The following SEC16A variants were observed in gnomAD, a reference collection of about 807,000 sequenced individuals.
SEC16A encodes protein transport protein Sec16A.
Under a neutral mutation model 221.9 loss-of-function variants are expected in SEC16A, and 110 were observed. That is an observed-to-expected ratio of 0.50 (90% confidence interval 0.42 to 0.58). SEC16A has a LOEUF of 0.58. SEC16A is among the 20% of genes least tolerant of loss of function. SEC16A has a pLI of 0.00. For missense variants in SEC16A, 3,165 were observed against 3,097.8 expected (o/e 1.02, Z -0.52); for synonymous variants, 1,393 against 1,257.7 (o/e 1.11, Z -2.28).
chr9:136,451,200 T>G lies in SEC16A; in HGVS notation c.6312+56A>C, dbSNP rs948594834. The G allele has an allele frequency of 7.1e-6, 11 of 1,557,608 alleles. No individual in the cohort carries two copies. The African/African-American group carries it at 1.5e-4, about 21-fold the overall frequency. On this transcript the variant is annotated intron_variant, in intron 23 of 31. Coordinates refer to ENST00000684901, the MANE Select transcript of SEC16A (RefSeq NM_014866.2). ...TAAGAGGATGGCGCTCTGGGAAGCG[T>G]GCCTCCTGCCCAAACCCTCCCGGCC...
At chr9:136,482,879 G>A (rs1589041712) in intron 1 of SEC16A, 59 bp downstream of exon 1, 1 of 714,196 alleles carries the variant, frequency 1.4e-6, no homozygotes, top group Non-Finnish European at 1.7e-6. Flanking sequence ...TGGCTCCGCC[G>A]GCCGGCCTCC....
chr9:136,459,443 C>A lies in SEC16A; in HGVS notation c.5303+1G>T. 3 of 1,596,824 alleles carry A rather than the reference C, an allele frequency of 1.9e-6. No individual in the cohort carries two copies. The highest frequency in any genetic ancestry group is 2.6e-6 in the Non-Finnish European group (3 of 1,170,020). ...AGGACTACACTGACTTGGTTCTTTA[C>A]CTGTGATTGGATCCGATTAAGACAA... On this transcript the variant is annotated splice_donor_variant, in intron 16 of 31. Coordinates refer to ENST00000684901, the MANE Select transcript of SEC16A (RefSeq NM_014866.2). LOFTEE classifies it high-confidence loss of function. The surrounding 1 kb of genome is among the most constrained non-coding windows in gnomAD (Gnocchi z 6.1).
intron 13 of SEC16A, 133 bp from the exon 14 acceptor site, chr9:136,460,256 A>C (rs939766350): frequency 1.6e-6 from 1 of 643,194 alleles, no homozygotes; most frequent in Non-Finnish European, 2.7e-6. Flanking sequence ...TGAGGTCAGA[A>C]GTTAAGAGAC....
At chr9:136,468,953 A>C (rs1377217743) in intron 4 of SEC16A, among the ~76,000 whole-genome samples, 1 of 152,150 alleles carries the variant, frequency 6.6e-6, no homozygotes, top group African/African-American at 2.4e-5. Flanking sequence ...AGGCTCAAGC[A>C]ATCCTCCCAC....
At position 136,440,391 on chromosome 9, in the gene SEC16A, C is replaced by CAAG; in HGVS notation, c.*1363_*1364insCTT. On this transcript the variant is annotated 3_prime_UTR_variant, in exon 32 of 32. Transcript: ENST00000684901. ...CATTTTGGAAAACATCCTGGGTGGT[C>CAAG]TGGGCTAAATGATCAAGTGAAACAG... 6.6e-6 allele frequency: 1 copy of CAAG among 152,660 alleles called. No individual in the cohort carries two copies. The allele number at this position is 152,660 out of a possible 1,614,324, so 9.5% of individuals were successfully genotyped here. A position where few individuals can be genotyped will look rare whatever the true frequency, so the allele number is the denominator to read the frequency against.
In SEC16A at chr9:136,451,391, C is replaced by T. The variant is rs766687024; in HGVS notation, c.6177G>A (p.Val2059=). ...KFANLTPSRT[V]PDSEAPPGWD... ...ACCCTGGGGGGGCCTCCGAGTCTGG[C>T]ACCGTCCTCGAGGGGGTCTGTCGCA... Residue 2059 remains valine, a synonymous_variant, in exon 23 of 32, where the codon GTG becomes GTA. Transcript: ENST00000684901. The T allele has an allele frequency of 8.1e-6, 13 of 1,609,066 alleles. No homozygotes were observed. Among genetic ancestry groups the T allele is most frequent in the African/African-American group, 5.4e-5 (4 of 74,626 alleles).
At position 136,476,531 on chromosome 9, in the gene SEC16A, A is replaced by G. The variant is rs1841659049; in HGVS notation, c.1085T>C (p.Leu362Pro). ...GAGAGSGCAP[L>P]EADSGASGAL... ...TCCTGAAGCTCCTGAGTCTGCTTCT[A>G]GCGGGGCACAGCCAGACCCGGCCCC... Residue 362 changes from leucine to proline, a missense_variant, in exon 3 of 32, where the codon CTA becomes CCA. Around this residue, in one of 3 missense-constraint regions of SEC16A, gnomAD observed 2,030 missense variants for 1,923.1 expected, o/e 1.06. Coordinates refer to ENST00000684901, the MANE Select transcript of SEC16A (RefSeq NM_014866.2). 2.5e-6 allele frequency: 4 copies of G among 1,612,478 alleles called. No individual in the cohort carries two copies. The East Asian group carries it at 6.7e-5, about 27-fold the overall frequency.
intron 1 of SEC16A, among the ~76,000 whole-genome samples, chr9:136,481,928 G>A (rs888114867): frequency 6.6e-6 from 1 of 152,042 alleles, no homozygotes; most frequent in Non-Finnish European, 1.5e-5. Flanking sequence ...GCTTACAGAA[G>A]AAGAAATCAC....
At chr9:136,455,104 T>A (rs1049412696) in intron 20 of SEC16A, among the ~76,000 whole-genome samples, 1 of 152,150 alleles carries the variant, frequency 6.6e-6, no homozygotes, top group African/African-American at 2.4e-5. Flanking sequence ...CATCCAGGCA[T>A]GCGGACCTGC....
Position 136,466,391 on chromosome 9 carries a change from G to T in SEC16A, c.4001C>A (p.Pro1334Gln). The T allele has an allele frequency of 6.2e-7, 1 of 1,603,598 alleles. No homozygotes were observed. The highest frequency in any genetic ancestry group is 2.3e-5 in the East Asian group (1 of 44,426). ...CTCTTCCCCATAAGGGTCTCTGTGCGGATCGGGGTCATCGTCAAAACTCCC... is the reference window on the plus strand; with the variant it reads ...CTCTTCCCCATAAGGGTCTCTGTGCTGATCGGGGTCATCGTCAAAACTCCC... ...FTGSFDDDPD[P>Q]HRDPYGEEVD... The change falls in exon 7 of 32, where the codon CCG becomes CAG. Residue 1334 changes from proline (P) to glutamine (Q), a missense_variant. Pro to Gln is a moderately conservative substitution (Grantham distance 76, BLOSUM62 -1). Coordinates refer to ENST00000684901, the MANE Select transcript of SEC16A (RefSeq NM_014866.2). This position sits in a 1 kb window ranked among gnomAD's most constrained non-coding sequence, Gnocchi z 5.5.
rs767821332 is a variant in SEC16A, at chr9:136,474,517, C to T, written c.3099G>A (p.Gly1033=). ...VASHPRQSGP[G]APNLDRFYQQ... ...GATAAAAACGGTCAAGGTTAGGCGC[C>T]CCAGGCCCAGATTGTCTGGGATGAC... The change falls in exon 3 of 32, where the codon GGG becomes GGA. Residue 1033 remains glycine, a synonymous_variant. Transcript: ENST00000684901. 9 of 1,612,922 alleles carry T rather than the reference C, an allele frequency of 5.6e-6. No individual in the cohort carries two copies. Among genetic ancestry groups the T allele is most frequent in the East Asian group, 2.2e-5 (1 of 44,888 alleles).
intron 1 of SEC16A, among the ~76,000 whole-genome samples, chr9:136,482,622 AAG>A (rs1452223984): frequency 6.6e-6 from 1 of 152,240 alleles, no homozygotes; most frequent in Non-Finnish European, 1.5e-5. Flanking sequence ...TTGAAAAGTT[AAG>A]AGTCTTACGA....
Position 136,459,238 on chromosome 9 carries a change from A to T in SEC16A, c.5305T>A (p.Leu1769Met). The change falls in exon 17 of 32, where the codon TTG becomes ATG. Residue 1769 changes from leucine to methionine, a missense_variant and splice_region_variant. Transcript: ENST00000684901. This position sits in a 1 kb window ranked among gnomAD's most constrained non-coding sequence, Gnocchi z 6.1. ...TTGGTTGCGAACTTTAAGAATGGCA[A>T]ACTGTAGAGGAAGTGAATTATTTTG... ...KLVLIGSNHS[L>M]PFLKFATNEA... The T allele has an allele frequency of 6.2e-7, 1 of 1,613,318 alleles. No homozygotes were observed. Among genetic ancestry groups the T allele is most frequent in the Non-Finnish European group, 8.5e-7 (1 of 1,179,526 alleles).
Position 136,477,475 on chromosome 9 carries a change from C to G in SEC16A, c.141G>C (p.Pro47=). 4 of 1,613,982 alleles carry G rather than the reference C, an allele frequency of 2.5e-6. No individual in the cohort carries two copies. The highest frequency in any genetic ancestry group is 3.4e-6 in the Non-Finnish European group (4 of 1,179,898). ...NNAAVAPTTC[P]LQPVTDPFAF... is the part of the protein sequence containing the mutation. ...CAAATGGATCCGTGACCGGCTGCAA[C>G]GGGCAAGTTGTCGGAGCCACTGCTG... is the stretch of plus-strand genomic sequence containing the variant. Residue 47 remains proline (P), a synonymous_variant, in exon 3 of 32, where the codon CCG becomes CCC. Transcript: ENST00000684901.
At chr9:136,479,087 T>A (rs1223294500) in intron 1 of SEC16A, among the ~76,000 whole-genome samples, 5 of 151,474 alleles carry the variant, frequency 3.3e-5, no homozygotes, top group Non-Finnish European at 7.4e-5. Flanking sequence ...TCCAACACTT[T>A]CAACAACAGG....
chr9:136,451,533 G>A (rs1051511172), intron 22 of SEC16A, 125 bp from the exon 23 acceptor site: 14 of 1,131,706 alleles, frequency 1.2e-5, no homozygotes, highest in Non-Finnish European at 1.6e-5. Context: ...TGACTCTGGT[G>A]ACCAGAGGGA....
rs748522586 is a variant in SEC16A at position 136,477,152 on chromosome 9, A to G, written c.464T>C (p.Leu155Pro). 22 of 1,613,742 alleles carry G rather than the reference A, an allele frequency of 1.4e-5. No homozygotes were observed. Among genetic ancestry groups the G allele is most frequent in the Non-Finnish European group, 1.6e-5 (19 of 1,179,888 alleles). ...TGGAATGTAGTGAGGAAGATATGGC[A>G]GAGTCTGAACTTCAGGCTCTGAACT... ...GPSSEPEVQT[L>P]PYLPHYIPGV... The change falls in exon 3 of 32, where the codon CTG (leucine) becomes CCG (proline). Residue 155 changes from leucine (L) to proline (P), a missense_variant. Transcript: ENST00000684901.
chr9:136,457,731 G>A (rs967554232), intron 17 of SEC16A, 147 bp from the exon 18 acceptor site: 15 of 1,011,754 alleles, frequency 1.5e-5, no homozygotes, highest in East Asian at 5.3e-5. Flanking sequence ...ACTCATCATC[G>A]TCTCCCACCC....
intron 23 of SEC16A, among the ~76,000 whole-genome samples, chr9:136,449,488 T>A (rs769730644): frequency 2.6e-5 from 4 of 152,228 alleles, no homozygotes; most frequent in African/African-American, 4.8e-5. Flanking sequence ...GACCTCATGA[T>A]CTGCTCGCCT....
Sources: allele counts gnomAD v4.1 joint callset (sites outside exome capture counted in the v4.1 genomes callset), GRCh38; gene constraint gnomAD v4.1.1; regional missense constraint gnomAD v4.1.1; non-coding constraint Gnocchi (gnomAD v3.1); transcripts MANE v1.5; gene names NCBI Gene and HGNC (gene_info 2026-07-23, HGNC 2026-07-21).